The following UPRT variants were observed in gnomAD, a reference collection of about 807,000 sequenced individuals.
UPRT encodes the protein RP11-311P8.3.
A neutral mutation model predicts 22.6 loss-of-function variants in UPRT; 5 were observed. The ratio of observed to expected loss-of-function variants is 0.22; its 90% CI spans 0.12 to 0.47. The LOEUF (loss-of-function observed/expected upper bound fraction) is 0.47, where lower values mean the gene tolerates loss of function less well. Among genes scored for constraint, UPRT ranks in the 20% least tolerant of loss-of-function variants. UPRT has a pLI of 0.99. For missense variants in UPRT, 181 were observed against 239.9 expected, an observed-to-expected ratio of 0.75 and a Z score of 1.62; for synonymous variants, 77 against 87.7, an observed-to-expected ratio of 0.88 and a Z score of 0.68.
At chrX:75,207,827 T>C (rs2147626448) in intron 4 of UPRT, among the ~76,000 whole-genome samples, 1 of 111,726 alleles carries the variant, frequency 9.0e-6, no homozygotes, top group Non-Finnish European at 1.9e-5. Context: ...TTGTGGGGCA[T>C]TGCCATATGT....
At position 75,298,492 on chromosome X, in the gene UPRT, G is replaced by T. The variant is rs183285144; in HGVS notation, c.562+939G>T. Among the ~76,000 whole-genome samples, 357 of 103,178 alleles carry T rather than the reference G, an allele frequency of 3.5e-3. 2 individuals are homozygous for T. Among genetic ancestry groups the T allele is most frequent in the East Asian group, 0.034 (121 of 3,547 alleles). The allele number at this position is 103,178 out of a possible 115,157, so 89.6% of individuals were successfully genotyped here. On this transcript the variant is annotated intron_variant, in intron 4 of 6. Coordinates refer to ENST00000373383, the MANE Select transcript of UPRT (RefSeq NM_145052.4). ...TTAGAACCTTTACCTGTTACATGGG[G>T]TTTTTTCCATTCAGCCAACTTAATT...
rs1479295601 is a variant in UPRT at position 75,205,327 on chromosome X, G to A, written c.-447+37448G>A. ...GGAACTTGCAGTGAGCCGAGATTGC[G>A]CCACTGCAGTCTGCAGTCCGCAGTC... On this transcript the variant is annotated intron_variant, in intron 4 of 13. Coordinates refer to the UPRT transcript ENST00000652605. Among the ~76,000 whole-genome samples, 7 of 99,674 alleles carry A rather than the reference G, an allele frequency of 7.0e-5. 1 individual carries two copies. In the East Asian group the frequency reaches 1.8e-3, roughly 26 times the overall value. The allele number at this position is 99,674 out of a possible 115,157, so 86.6% of individuals were successfully genotyped here.
intron 4 of UPRT, among the ~76,000 whole-genome samples, chrX:75,191,764 G>C (rs1158821638): frequency 8.9e-6 from 1 of 112,374 alleles, no homozygotes; most frequent in Non-Finnish European, 1.9e-5. Flanking sequence ...CTCCAAGCCA[G>C]GCACGGGATA....
Position 75,298,695 on chromosome X carries a change from T to G in UPRT, c.563-1040T>G, listed in dbSNP as rs753749528. On this transcript the variant is annotated intron_variant, in intron 4 of 6. Coordinates refer to ENST00000373383, the MANE Select transcript of UPRT (RefSeq NM_145052.4). Reference sequence around the variant, plus strand: ...AACTAGGAACTTTAAGCTCCTTTTTTCTAGGAGGAAGCTCTTAAGCACTGA... The same window carrying G: ...AACTAGGAACTTTAAGCTCCTTTTTGCTAGGAGGAAGCTCTTAAGCACTGA... Among the ~76,000 whole-genome samples the G allele has an allele frequency of 1.2e-4, 13 of 112,444 alleles. No homozygotes were observed. The East Asian group carries it at 3.1e-3, about 27-fold the overall frequency.
chrX:75,251,938 C>G (rs1210519762), intron 4 of UPRT, among the ~76,000 whole-genome samples: 1 of 111,231 alleles, frequency 9.0e-6, no homozygotes, highest in African/African-American at 3.3e-5. Context: ...CTTTGACAAA[C>G]CTGACAAAAA....
rs779304710 is a variant in UPRT at position 75,274,393 on chromosome X, G to A, written c.139G>A (p.Ala47Thr). ...CGCAGGGGGAAACAGAGCCTCCAGGGCCAAGGTGATTCTCCTCACGGGGTA... is the reference window on the plus strand; with the variant it reads ...CGCAGGGGGAAACAGAGCCTCCAGGACCAAGGTGATTCTCCTCACGGGGTA... Reference protein sequence around the residue: ...DHAGGNRASRAKVILLTGYAH... With the variant: ...DHAGGNRASRTKVILLTGYAH... The change falls in exon 1 of 7, where the codon GCC becomes ACC. Residue 47 changes from alanine to threonine, a missense_variant. By Grantham distance (58) the Ala-to-Thr change is moderately conservative. Coordinates refer to ENST00000373383, the MANE Select transcript of UPRT (RefSeq NM_145052.4). 1.7e-6 allele frequency: 2 copies of A among 1,209,588 alleles called. No individual in the cohort carries two copies. The highest frequency in any genetic ancestry group is 3.5e-5 in the African/African-American group (2 of 57,120).
At chrX:75,202,094 G>T (rs2082348729) in intron 4 of UPRT, among the ~76,000 whole-genome samples, 1 of 111,747 alleles carries the variant, frequency 8.9e-6, no homozygotes, top group African/African-American at 3.3e-5. Context: ...ATAAGTGAAG[G>T]TAAAATTAAA....
intron 4 of UPRT, among the ~76,000 whole-genome samples, chrX:75,174,961 C>T (rs1232861366): frequency 9.1e-6 from 1 of 109,411 alleles, no homozygotes; most frequent in Non-Finnish European, 1.9e-5. Flanking sequence ...TGTGTCTGTC[C>T]CTCTTTCTCT....
intron 4 of UPRT, among the ~76,000 whole-genome samples, chrX:75,189,652 G>C (rs1445833622): frequency 1.8e-5 from 2 of 111,935 alleles, no homozygotes; most frequent in African/African-American, 6.5e-5. Flanking sequence ...CTTGCTTTAT[G>C]AATCTGGGTG....
intron 1 of UPRT, among the ~76,000 whole-genome samples, chrX:75,285,154 C>T (rs951551794): frequency 9.0e-6 from 1 of 111,226 alleles, no homozygotes; most frequent in Non-Finnish European, 1.9e-5. Flanking sequence ...ACCATGCCCC[C>T]TCCAACAGCC....
chrX:75,206,792 G>A (rs1372575873), intron 4 of UPRT, among the ~76,000 whole-genome samples: 1 of 111,125 alleles, frequency 9.0e-6, no homozygotes, highest in Non-Finnish European at 1.9e-5. Flanking sequence ...AGCCTCCCAC[G>A]TAGCTGGGAC....
Position 75,303,582 on chromosome X carries a change from T to G in UPRT, c.*71T>G. 1.1e-6 allele frequency: 1 copy of G among 908,146 alleles called. No homozygotes were observed. Among genetic ancestry groups the G allele is most frequent in the Non-Finnish European group, 1.5e-6 (1 of 656,315 alleles). 74.8% of individuals were successfully genotyped at this position (908,146 alleles called of 1,213,427 possible). On this transcript the variant is annotated 3_prime_UTR_variant, in exon 7 of 7. Coordinates refer to ENST00000373383, the MANE Select transcript of UPRT (RefSeq NM_145052.4). ...TTTGATTTTCTATTTGTTTTACTGATTCACTTGAGGGTGGCAGAGAAAAAT... is the reference window on the plus strand; with the variant it reads ...TTTGATTTTCTATTTGTTTTACTGAGTCACTTGAGGGTGGCAGAGAAAAAT...
intron 4 of UPRT, among the ~76,000 whole-genome samples, chrX:75,232,063 C>T (rs1282970001): frequency 2.7e-5 from 3 of 110,637 alleles, no homozygotes; most frequent in East Asian, 2.9e-4. Context: ...AGACAGTGGG[C>T]GCAGGTCAGT....
At chrX:75,284,083 G>A (rs939420796) in intron 1 of UPRT, among the ~76,000 whole-genome samples, 3 of 111,081 alleles carry the variant, frequency 2.7e-5, no homozygotes, top group East Asian at 2.8e-4. Flanking sequence ...TGTTCAATTC[G>A]GTTGCTGAGA....
chrX:75,234,580 A>C lies in UPRT; in HGVS notation c.-446-56444A>C, dbSNP rs1353619289. Among the ~76,000 whole-genome samples, 6 of 112,045 alleles carry C rather than the reference A, an allele frequency of 5.4e-5. No individual in the cohort carries two copies. The Admixed American group carries it at 5.7e-4, about 11-fold the overall frequency. On this transcript the variant is annotated intron_variant, in intron 4 of 13. Coordinates refer to the UPRT transcript ENST00000652605. ...ATGTAAAAGAACAGAAATTATAACA[A>C]ACTATCTCTCAGACCACATTGCAAT...
chrX:75,225,076 C>T (rs1327071904), intron 4 of UPRT, among the ~76,000 whole-genome samples: 2 of 110,878 alleles, frequency 1.8e-5, no homozygotes, highest in African/African-American at 3.3e-5. Flanking sequence ...GAGATCTCAG[C>T]TTACCTCTTC....
At chrX:75,190,385 A>G (rs1004122427) in intron 4 of UPRT, among the ~76,000 whole-genome samples, 1 of 111,465 alleles carries the variant, frequency 9.0e-6, no homozygotes, top group African/African-American at 3.3e-5. Context: ...GGGTAACCCG[A>G]CCTTTCTCTC....
chrX:75,223,717 G>T (rs1286292425), intron 4 of UPRT, among the ~76,000 whole-genome samples: 1 of 111,620 alleles, frequency 9.0e-6, no homozygotes, highest in East Asian at 2.8e-4. Flanking sequence ...ACTGCTGGGG[G>T]ATGGAGGCGG....
At chrX:75,271,055 C>T (rs892676451), upstream of UPRT, among the ~76,000 whole-genome samples, 21 of 111,395 alleles carry the variant, frequency 1.9e-4, no homozygotes, top group Non-Finnish European at 3.4e-4. Context: ...ATGTCATGGA[C>T]GAGTAGAATC....
Sources: allele counts gnomAD v4.1 joint callset (sites outside exome capture counted in the v4.1 genomes callset), GRCh38; gene constraint gnomAD v4.1.1; transcripts MANE v1.5; gene names NCBI Gene and HGNC (gene_info 2026-07-23, HGNC 2026-07-21).